The following TBC1D8B variants were observed in gnomAD, a reference collection of about 807,000 sequenced individuals.
TBC1D8B encodes the protein RP11-321G1.1.
In TBC1D8B, 75 loss-of-function variants were observed where a neutral mutation model predicts 82.9. That is an observed-to-expected ratio of 0.90 (90% CI 0.75 to 1.10). TBC1D8B has a LOEUF of 1.10. TBC1D8B is among the 50% of genes least tolerant of loss of function. The probability of loss-of-function intolerance (pLI) is 0.00; values close to 1 mark genes in which losing one functional copy is unlikely to be tolerated. For missense variants in TBC1D8B, 794 were observed against 796.9 expected (o/e 1.00, Z 0.04); for synonymous variants, 276 against 276.8 (o/e 1.00, Z 0.03).
At chrX:106,835,905 G>A (rs1291955911) in intron 7 of TBC1D8B, among the ~76,000 whole-genome samples, 1 of 111,900 alleles carries the variant, frequency 8.9e-6, no homozygotes, top group Admixed American at 9.5e-5. Context: ...CATTCAACAA[G>A]TCTATAGGAA....
Position 106,848,268 on chromosome X carries a change from G to T in TBC1D8B, c.1802G>T (p.Arg601Leu). The change falls in exon 11 of 21, where the codon CGA becomes CTA. Residue 601 changes from arginine to leucine, a missense_variant. Physicochemically the swap from Arg to Leu is moderately radical, Grantham distance 102 (BLOSUM62 -2). Transcript: ENST00000357242. ...TGGCTTCTGGTTGCTGTATGTGAAC[G>T]AATGTTGCCTGATTATTTTAATCGT... ...AFWLLVAVCE[R>L]MLPDYFNRRI... 1 of 1,190,816 alleles carries T rather than the reference G, an allele frequency of 8.4e-7. No homozygotes were observed. The highest frequency in any genetic ancestry group is 2.3e-4 in the Middle Eastern group (1 of 4,268).
At chrX:106,838,556 A>G (rs1932230112) in intron 7 of TBC1D8B, among the ~76,000 whole-genome samples, 1 of 111,695 alleles carries the variant, frequency 9.0e-6, no homozygotes, top group African/African-American at 3.3e-5. Flanking sequence ...ACAGCCCTGT[A>G]CATGTATTCA....
chrX:106,842,183 G>A, intron 10 of TBC1D8B, among the ~76,000 whole-genome samples: 1 of 110,282 alleles, frequency 9.1e-6, no homozygotes, highest in Non-Finnish European at 1.9e-5. Context: ...AAATGGCAAG[G>A]ATTTTTAGCA....
intron 7 of TBC1D8B, among the ~76,000 whole-genome samples, chrX:106,831,010 A>T (rs1309347486): frequency 9.0e-6 from 1 of 110,580 alleles, no homozygotes; most frequent in Admixed American, 9.6e-5. Context: ...GAGGATTTTG[A>T]TGTTTAATAT....
intron 11 of TBC1D8B, among the ~76,000 whole-genome samples, chrX:106,848,967 C>T (rs1224019101): frequency 3.8e-5 from 4 of 104,329 alleles, no homozygotes; most frequent in African/African-American, 7.0e-5. Flanking sequence ...TTAGTAGAGA[C>T]GGGGTTTCAC....
intron 14 of TBC1D8B, among the ~76,000 whole-genome samples, chrX:106,860,776 T>G (rs1328655925): frequency 9.0e-6 from 1 of 111,137 alleles, no homozygotes; most frequent in Non-Finnish European, 1.9e-5. Flanking sequence ...GCTTTGGGAT[T>G]GGTTTGTTCT....
intron 7 of TBC1D8B, chrX:106,828,483 A>T (rs1187527624): frequency 9.0e-6 from 1 of 110,995 alleles, no homozygotes; most frequent in Non-Finnish European, 1.9e-5. Flanking sequence ...GCAGAGACAC[A>T]ACTAAAAAAG....
intron 7 of TBC1D8B, among the ~76,000 whole-genome samples, chrX:106,837,592 A>C (rs917895772): frequency 4.5e-5 from 5 of 111,130 alleles, no homozygotes; most frequent in Non-Finnish European, 5.7e-5. Context: ...TGCTGTTGGG[A>C]ATGTAAAATG....
Position 106,854,230 on chromosome X carries a change from T to C in TBC1D8B, c.2286T>C (p.His762=), listed in dbSNP as rs7886676. ...GTAATATTCGCTATGAAGATATACA[T>C]AGTATGCGCTGTCGAAATAGGTTGT... is the stretch of plus-strand genomic sequence containing the variant. ...KYGNIRYEDI[H]SMRCRNRLYV... is the part of the protein sequence containing the mutation. Residue 762 remains histidine (H), a synonymous_variant, in exon 14 of 21, where the codon CAT becomes CAC. Transcript: ENST00000357242. 14,598 of 1,191,474 alleles carry C rather than the reference T, an allele frequency of 0.012. 1,184 individuals carry two copies. The African/African-American group carries it at 0.23, about 19-fold the overall frequency.
chrX:106,852,510 T>C (rs1228230008), intron 12 of TBC1D8B, among the ~76,000 whole-genome samples: 1 of 111,935 alleles, frequency 8.9e-6, no homozygotes, highest in Non-Finnish European at 1.9e-5. Flanking sequence ...TCCTGAATGG[T>C]ATTGCCTAGG....
rs750229439 is a variant in TBC1D8B at position 106,859,563 on chromosome X, CA to C, written c.2352+5270del. On this transcript the variant is annotated intron_variant, in intron 14 of 20. Coordinates refer to ENST00000357242, the MANE Select transcript of TBC1D8B (RefSeq NM_017752.3). ...TGATTTTTGTATTCTGAAACTTTGC[CA>C]AAGTTGTTTACTAAATCTAGGAGCT... 1.1e-3 allele frequency among the ~76,000 whole-genome samples: 122 copies of C among 111,786 alleles called. No homozygotes were observed. The Middle Eastern group carries it at 0.023, about 21-fold the overall frequency.
chrX:106,809,346 A>G (rs898288880), intron 1 of TBC1D8B, among the ~76,000 whole-genome samples: 2 of 111,505 alleles, frequency 1.8e-5, no homozygotes, highest in Non-Finnish European at 3.8e-5. Context: ...AGAAAAATAA[A>G]GTAAGGTATC....
At chrX:106,810,539 C>T (rs1316968758) in intron 1 of TBC1D8B, among the ~76,000 whole-genome samples, 1 of 111,338 alleles carries the variant, frequency 9.0e-6, no homozygotes, top group Non-Finnish European at 1.9e-5. Flanking sequence ...TTTTTGTGTC[C>T]ACTGTTCTTT....
chrX:106,802,913 A>G lies in TBC1D8B; in HGVS notation c.60A>G (p.Glu20=). ...LKNALKLWLM[E]RSNDYFVLQR... is the part of the protein sequence containing the mutation. Reference sequence around the variant, plus strand: ...ATGCGCTGAAGCTGTGGCTGATGGAAAGGTCCAACGACTACTTCGTGCTGC... The same window carrying G: ...ATGCGCTGAAGCTGTGGCTGATGGAGAGGTCCAACGACTACTTCGTGCTGC... Residue 20 remains glutamate (E), a synonymous_variant, in exon 1 of 21, where the codon GAA becomes GAG. Transcript: ENST00000357242. 4.1e-6 allele frequency: 5 copies of G among 1,211,398 alleles called. No homozygotes were observed. In the South Asian group the frequency reaches 8.8e-5, roughly 21 times the overall value.
At chrX:106,865,744 A>G (rs1932809957) in intron 15 of TBC1D8B, 49 bp from the exon 16 acceptor site, 1 of 1,131,563 alleles carries the variant, frequency 8.8e-7, no homozygotes, top group East Asian at 3.1e-5. Context: ...AATCTTCCAA[A>G]ATTACTTTTT....
At chrX:106,843,456 C>T (rs1015571025) in intron 10 of TBC1D8B, among the ~76,000 whole-genome samples, 1 of 111,608 alleles carries the variant, frequency 9.0e-6, no homozygotes, top group African/African-American at 3.2e-5. Flanking sequence ...TGCAGCCATT[C>T]CGGTGAGCGT....
chrX:106,815,423 A>G (rs757177316), intron 1 of TBC1D8B: 12 of 111,351 alleles, frequency 1.1e-4, no homozygotes, highest in African/African-American at 3.3e-4. Flanking sequence ...TTTTGGTACC[A>G]GTACCATGCT....
intron 1 of TBC1D8B, among the ~76,000 whole-genome samples, chrX:106,809,039 A>G (rs1033350103): frequency 1.3e-4 from 14 of 111,993 alleles, no homozygotes; most frequent in Non-Finnish European, 1.3e-4. Flanking sequence ...ACATTGCTGT[A>G]CAGCTATGAC....
At chrX:106,848,842 T>G (rs1201295831) in intron 11 of TBC1D8B, among the ~76,000 whole-genome samples, 1 of 110,460 alleles carries the variant, frequency 9.1e-6, no homozygotes, top group Non-Finnish European at 1.9e-5. Flanking sequence ...CGGCCTCGGC[T>G]TACTGCAAGC....
Sources: gnomAD v4.1 joint callset for allele counts (sites outside exome capture counted in the v4.1 genomes callset) on GRCh38, gnomAD v4.1.1 for gene constraint, MANE v1.5 for transcripts, NCBI Gene and HGNC (gene_info 2026-07-23, HGNC 2026-07-21) for gene names.